The following EMILIN2 variants were observed in gnomAD, a reference collection of about 807,000 sequenced individuals.
EMILIN2 encodes elastin microfibril interfacer 2.
EMILIN2 carries 71 observed loss-of-function variants against 87.1 expected under a neutral mutation model. The observed-to-expected ratio is 0.82, with a 90% CI of 0.67 to 0.99. The LOEUF (loss-of-function observed/expected upper bound fraction) is 0.99, where lower values mean the gene tolerates loss of function less well. EMILIN2 is among the 50% of genes least tolerant of loss of function. The pLI, the probability that EMILIN2 is intolerant of heterozygous loss-of-function variation, is 0.00. For missense variants in EMILIN2, 1,407 were observed against 1,371.8 expected (o/e 1.03, Z -0.40); for synonymous variants, 581 against 563.4 (o/e 1.03, Z -0.44).
chr18:2,901,508 G>A (rs1242503398), intron 4 of EMILIN2, among the ~76,000 whole-genome samples: 1 of 152,174 alleles, frequency 6.6e-6, no homozygotes, highest in Non-Finnish European at 1.5e-5. Flanking sequence ...TTCGAGGAGA[G>A]GGAATGGCCT....
At chr18:2,864,880 A>G (rs2076678747) in intron 2 of EMILIN2, among the ~76,000 whole-genome samples, 1 of 152,024 alleles carries the variant, frequency 6.6e-6, no homozygotes, top group Non-Finnish European at 1.5e-5. Flanking sequence ...TGGTCTTTTC[A>G]CATAGTCCCA....
intron 4 of EMILIN2, among the ~76,000 whole-genome samples, chr18:2,893,544 T>A (rs1355476565): frequency 1.3e-5 from 2 of 152,148 alleles, no homozygotes; most frequent in Non-Finnish European, 2.9e-5. Context: ...GAATAATATA[T>A]GTAATAAGAT....
At position 2,847,907 on chromosome 18, in the gene EMILIN2, A is replaced by T. The variant is rs1478967083; in HGVS notation, c.233A>T (p.Gln78Leu). The change falls in exon 2 of 8, where the codon CAG becomes CTG. Residue 78 changes from glutamine to leucine, a missense_variant. Transcript: ENST00000254528. The surrounding 1 kb of genome is among the most constrained non-coding windows in gnomAD (Gnocchi z 4.5). ...GCTCAGTACAACTGTGCCTGGAACC[A>T]GATGCCCTGTCCGTCGGCGCTGGTG... ...IQAQYNCAWN[Q>L]MPCPSALVYR... The T allele has an allele frequency of 6.2e-7, 1 of 1,611,116 alleles. No individual in the cohort carries two copies. The highest frequency in any genetic ancestry group is 1.3e-5 in the African/African-American group (1 of 74,718).
intron 4 of EMILIN2, among the ~76,000 whole-genome samples, chr18:2,898,647 G>C (rs534212132): frequency 3.7e-4 from 56 of 152,244 alleles, no homozygotes; most frequent in African/African-American, 1.3e-3. Context: ...TTTCATCATA[G>C]CGTTTCTTTT....
At chr18:2,905,526 A>G (rs1401849458) in intron 4 of EMILIN2, among the ~76,000 whole-genome samples, 4 of 151,946 alleles carry the variant, frequency 2.6e-5, no homozygotes, top group Non-Finnish European at 5.9e-5. Flanking sequence ...AAAATGTGCA[A>G]AAGATAATTG....
chr18:2,849,057 A>G (rs2076590862), intron 2 of EMILIN2, among the ~76,000 whole-genome samples: 1 of 152,198 alleles, frequency 6.6e-6, no homozygotes, highest in Non-Finnish European at 1.5e-5. Context: ...CCCATTTCCT[A>G]ATATACAGTG....
chr18:2,873,436 G>A (rs868460712), intron 2 of EMILIN2, among the ~76,000 whole-genome samples: 7 of 149,816 alleles, frequency 4.7e-5, no homozygotes, highest in Non-Finnish European at 8.9e-5. Context: ...AGCTGGGCGC[G>A]GTAGCTCACG....
rs558653315 is a variant in EMILIN2 at position 2,891,032 on chromosome 18, A to G, written c.905A>G (p.Gln302Arg). 1.8e-5 allele frequency: 29 copies of G among 1,614,180 alleles called. No homozygotes were observed. The East Asian group carries it at 6.0e-4, about 33-fold the overall frequency. Residue 302 changes from glutamine (Q) to arginine (R), a missense_variant, in exon 4 of 8, where the codon CAG becomes CGG. Coordinates refer to ENST00000254528, the MANE Select transcript of EMILIN2 (RefSeq NM_032048.3). The surrounding 1 kb of genome is among the most constrained non-coding windows in gnomAD (Gnocchi z 4.6). Reference protein sequence around the residue: ...GQLRQLQEAAQGPTVTMTTNE... With the variant: ...GQLRQLQEAARGPTVTMTTNE... ...CTCAGACAGCTCCAGGAAGCAGCTC[A>G]GGGCCCGACGGTGACCATGACAACC...
chr18:2,909,872 T>A, intron 7 of EMILIN2, 53 bp downstream of exon 7: 1 of 1,589,856 alleles, frequency 6.3e-7, no homozygotes, highest in Non-Finnish European at 8.5e-7. Context: ...CCAACGCAGG[T>A]GGGACCCCTC....
At chr18:2,906,266 G>T (rs2076911681) in intron 4 of EMILIN2, 1 of 152,508 alleles carries the variant, frequency 6.6e-6, no homozygotes, top group Non-Finnish European at 1.5e-5. Context: ...TTCCGCTGGC[G>T]ACGTGGGCGC....
Position 2,909,804 on chromosome 18 carries a change from T to A in EMILIN2, c.2809T>A (p.Tyr937Asn). 1 of 1,613,594 alleles carries A rather than the reference T, an allele frequency of 6.2e-7. No homozygotes were observed. The highest frequency in any genetic ancestry group is 1.1e-5 in the South Asian group (1 of 91,036). ...NKVLVNDGDVYNPSTGVFTAP... is the reference protein window; with the variant it reads ...NKVLVNDGDVNNPSTGVFTAP... The stretch of plus-strand genomic sequence containing the variant: ...AGTGCTGGTGAACGACGGGGATGTT[T>A]ACAACCCCAGCACCGGTGAGTGTTT... The change falls in exon 7 of 8, where the codon TAC (tyrosine) becomes AAC (asparagine). Residue 937 changes from tyrosine (Y) to asparagine (N), a missense_variant. Tyr to Asn is a moderately radical substitution (Grantham distance 143, BLOSUM62 -2). Coordinates refer to ENST00000254528, the MANE Select transcript of EMILIN2 (RefSeq NM_032048.3).
chr18:2,852,587 C>T (rs896712299), intron 2 of EMILIN2, among the ~76,000 whole-genome samples: 3 of 152,208 alleles, frequency 2.0e-5, no homozygotes, highest in African/African-American at 4.8e-5. Flanking sequence ...GGCACCATCT[C>T]GGCTCACTGC....
At chr18:2,885,628 C>T (rs918701777) in intron 3 of EMILIN2, among the ~76,000 whole-genome samples, 4 of 152,208 alleles carry the variant, frequency 2.6e-5, no homozygotes, top group Non-Finnish European at 5.9e-5. Context: ...AAGCAATTCT[C>T]CTGCCTTGGC....
At chr18:2,868,193 C>T (rs1386329341) in intron 2 of EMILIN2, among the ~76,000 whole-genome samples, 1 of 152,258 alleles carries the variant, frequency 6.6e-6, no homozygotes, top group East Asian at 1.9e-4. Flanking sequence ...CTCCTCACAT[C>T]CCAGATGGGG....
At chr18:2,908,677 CTCTT>C (rs2076926364) in intron 5 of EMILIN2, among the ~76,000 whole-genome samples, 2 of 152,240 alleles carry the variant, frequency 1.3e-5, no homozygotes, top group Admixed American at 1.3e-4. Context: ...CAGTGCCCAT[CTCTT>C]TCTTTCCTGC....
chr18:2,865,872 C>T (rs1419703280), intron 2 of EMILIN2, among the ~76,000 whole-genome samples: 3 of 152,178 alleles, frequency 2.0e-5, no homozygotes, highest in African/African-American at 4.8e-5. Flanking sequence ...TTCAAGCTTC[C>T]CAGACGCTTT....
intron 2 of EMILIN2, among the ~76,000 whole-genome samples, chr18:2,874,225 G>A (rs1208989855): frequency 1.3e-5 from 2 of 151,162 alleles, no homozygotes; most frequent in Non-Finnish European, 2.9e-5. Flanking sequence ...ACTTCTTGTT[G>A]TTGTTTTTTT....
intron 4 of EMILIN2, among the ~76,000 whole-genome samples, chr18:2,900,676 C>T (rs2076884572): frequency 1.4e-5 from 1 of 69,858 alleles, no homozygotes; most frequent in Non-Finnish European, 3.4e-5. Context: ...TCACCCCGGG[C>T]CCATTTAGCA....
At chr18:2,859,790 C>T (rs1310376559) in intron 2 of EMILIN2, among the ~76,000 whole-genome samples, 1 of 152,148 alleles carries the variant, frequency 6.6e-6, no homozygotes, top group Non-Finnish European at 1.5e-5. Flanking sequence ...CTACATGTGG[C>T]TTGCCAGTTA....
Sources: gnomAD v4.1 joint callset for allele counts (sites outside exome capture counted in the v4.1 genomes callset) on GRCh38, gnomAD v4.1.1 for gene constraint, Gnocchi (gnomAD v3.1) non-coding constraint, MANE v1.5 for transcripts, NCBI Gene and HGNC (gene_info 2026-07-23, HGNC 2026-07-21) for gene names.